The following ZCWPW2 variants were observed in gnomAD, a reference collection of about 807,000 sequenced individuals.
ZCWPW2 encodes zinc finger CW-type PWWP domain protein 2.
Under a neutral mutation model 46.6 loss-of-function variants are expected in ZCWPW2, and 45 were observed. That is an observed-to-expected ratio of 0.96 (90% CI 0.76 to 1.24). ZCWPW2 has a LOEUF of 1.24. Ranked by LOEUF, ZCWPW2 falls within the 50% of genes most tolerant of loss-of-function variation. ZCWPW2 has a pLI of 0.00. For synonymous variants in ZCWPW2, 152 were observed against 137.1 expected (o/e 1.11, Z -0.76); for missense variants, 429 against 403.9 (o/e 1.06, Z -0.53).
intron 8 of ZCWPW2, among the ~76,000 whole-genome samples, chr3:28,518,695 A>G (rs1296025259): frequency 6.6e-6 from 1 of 152,222 alleles, no homozygotes; most frequent in East Asian, 1.9e-4. Flanking sequence ...TTAGCCTGAC[A>G]TTAGAAATAT....
chr3:28,513,934 G>A (rs1268980865), intron 6 of ZCWPW2, 130 bp from the exon 7 acceptor site: 3 of 438,200 alleles, frequency 6.8e-6, no homozygotes, highest in East Asian at 1.6e-4. Context: ...TAGACGTAAA[G>A]ATGTTGTTTA....
At chr3:28,419,875 G>C (rs1324111226) in intron 3 of ZCWPW2, among the ~76,000 whole-genome samples, 1 of 114,904 alleles carries the variant, frequency 8.7e-6, no homozygotes, top group Non-Finnish European at 1.8e-5. Flanking sequence ...ATTGAACAAT[G>C]AGAACACATG....
intron 4 of ZCWPW2, among the ~76,000 whole-genome samples, chr3:28,470,216 C>T (rs903153646): frequency 6.6e-6 from 1 of 152,056 alleles, no homozygotes; most frequent in East Asian, 1.9e-4. Context: ...AAATTTAGGC[C>T]GGGTGCAGTG....
intron 1 of ZCWPW2, among the ~76,000 whole-genome samples, chr3:28,363,538 A>G (rs1328347599): frequency 6.6e-6 from 1 of 152,074 alleles, no homozygotes; most frequent in Non-Finnish European, 1.5e-5. Context: ...AGCCCCACTC[A>G]GTGTTTGCCC....
chr3:28,368,029 C>T (rs2125699231), intron 1 of ZCWPW2, among the ~76,000 whole-genome samples: 1 of 152,140 alleles, frequency 6.6e-6, no homozygotes, highest in South Asian at 2.1e-4. Flanking sequence ...TATTTTGAGC[C>T]TATATGTATC....
rs141043771 is a variant in ZCWPW2 at position 28,404,229 on chromosome 3, C to T, written c.-13-8827C>T. ...AAAAAGTGGCCTAAGGACATGAATA[C>T]ACAATTCTCAAAAGAGATATACAAA... On this transcript the variant is annotated intron_variant, in intron 2 of 9. Coordinates refer to ENST00000383768, the MANE Select transcript of ZCWPW2 (RefSeq NM_001040432.4). Among the ~76,000 whole-genome samples, 864 of 149,692 alleles carry T rather than the reference C, an allele frequency of 5.8e-3. 6 individuals are homozygous for T. The highest frequency in any genetic ancestry group is 0.018 in the African/African-American group (731 of 41,054).
rs1459508177 is a variant in ZCWPW2, at chr3:28,515,774, TG to T, written c.784+154del. On this transcript the variant is annotated intron_variant, in intron 8 of 9. Coordinates refer to ENST00000383768, the MANE Select transcript of ZCWPW2 (RefSeq NM_001040432.4). ...ACACATATATACATGTGCGTACATA[TG>T]TATACATTTTTACACATATATATGT... 7.2e-5 allele frequency among the ~76,000 whole-genome samples: 11 copies of T among 152,016 alleles called. No homozygotes were observed. In the South Asian group the frequency reaches 2.1e-3, roughly 29 times the overall value.
At chr3:28,503,285 G>A (rs1272763790) in intron 6 of ZCWPW2, among the ~76,000 whole-genome samples, 1 of 152,102 alleles carries the variant, frequency 6.6e-6, no homozygotes, top group Non-Finnish European at 1.5e-5. Flanking sequence ...GCTGCCAGAT[G>A]TTGTCCTTTG....
chr3:28,404,483 A>G (rs1696078807), intron 2 of ZCWPW2, among the ~76,000 whole-genome samples: 1 of 152,196 alleles, frequency 6.6e-6, no homozygotes, highest in East Asian at 1.9e-4. Flanking sequence ...GTAAAGAACT[A>G]GAAGTAGAAC....
intron 3 of ZCWPW2, among the ~76,000 whole-genome samples, chr3:28,432,419 G>T (rs1226589964): frequency 1.3e-5 from 2 of 152,200 alleles, no homozygotes; most frequent in South Asian, 4.1e-4. Flanking sequence ...CAGCTGTACA[G>T]ATTTTTGAAT....
chr3:28,353,373 C>T (rs1298118405), intron 1 of ZCWPW2, among the ~76,000 whole-genome samples: 2 of 151,838 alleles, frequency 1.3e-5, no homozygotes, highest in Non-Finnish European at 2.9e-5. Flanking sequence ...TTTTGAAACA[C>T]TAAAATATAT....
rs143736026 is a variant in ZCWPW2, at chr3:28,356,789, G to A, written c.-134+7586G>A. ...AAACACCGCATGTTCTCACTCATAG[G>A]TGGGAATTGAACAATGAGAACACTT... On this transcript the variant is annotated intron_variant, in intron 1 of 9. Coordinates refer to ENST00000383768, the MANE Select transcript of ZCWPW2 (RefSeq NM_001040432.4). 8.4e-3 allele frequency among the ~76,000 whole-genome samples: 1,283 copies of A among 152,222 alleles called. 48 individuals carry two copies. Among genetic ancestry groups the A allele is most frequent in the Admixed American group, 0.065 (998 of 15,290 alleles).
At chr3:28,405,346 G>A (rs1365068270) in intron 2 of ZCWPW2, among the ~76,000 whole-genome samples, 1 of 152,160 alleles carries the variant, frequency 6.6e-6, no homozygotes, top group Non-Finnish European at 1.5e-5. Flanking sequence ...CAGGAAATTG[G>A]TACTGAGAAG....
At chr3:28,390,678 C>A in intron 2 of ZCWPW2, 61 bp downstream of exon 2, 1 of 977,314 alleles carries the variant, frequency 1.0e-6, no homozygotes, top group Non-Finnish European at 1.2e-6. Flanking sequence ...TTATTCCCAT[C>A]ACTGTTCTCT....
In ZCWPW2 at chr3:28,524,864, G is replaced by A; in HGVS notation, c.*176G>A. 1 of 434,340 alleles carries A rather than the reference G, an allele frequency of 2.3e-6. No homozygotes were observed. Among genetic ancestry groups the A allele is most frequent in the Non-Finnish European group, 3.6e-6 (1 of 277,234 alleles). 26.9% of individuals were successfully genotyped at this position (434,340 alleles called of 1,614,324 possible). ...CCATGATTTTTAGAGCCAGTCAAAT[G>A]GTATTTAAGTTAGTGTTAAAAATTT... On this transcript the variant is annotated 3_prime_UTR_variant, in exon 10 of 10. Coordinates refer to ENST00000383768, the MANE Select transcript of ZCWPW2 (RefSeq NM_001040432.4).
intron 2 of ZCWPW2, among the ~76,000 whole-genome samples, chr3:28,405,852 A>C (rs1174969941): frequency 6.6e-6 from 1 of 152,190 alleles, no homozygotes; most frequent in Non-Finnish European, 1.5e-5. Flanking sequence ...AATCTTCTTA[A>C]AAAATACCTA....
chr3:28,395,896 T>A (rs6551255), intron 2 of ZCWPW2, among the ~76,000 whole-genome samples: 42,466 of 151,926 alleles, frequency 0.28, 6,140 homozygotes, highest in Middle Eastern at 0.33. Context: ...AATTTTTCTT[T>A]TCAGAAAAAA....
chr3:28,433,015 C>A (rs1697330205), intron 3 of ZCWPW2, among the ~76,000 whole-genome samples: 1 of 151,998 alleles, frequency 6.6e-6, no homozygotes, highest in Non-Finnish European at 1.5e-5. Flanking sequence ...TAATCCTCAT[C>A]AAATTGATTT....
chr3:28,378,299 T>A (rs1007831839), intron 1 of ZCWPW2, among the ~76,000 whole-genome samples: 6 of 151,954 alleles, frequency 3.9e-5, no homozygotes, highest in African/African-American at 1.2e-4. Flanking sequence ...ACTAAATAAT[T>A]ATTTGTTGAG....
Sources: gnomAD v4.1 joint callset for allele counts (sites outside exome capture counted in the v4.1 genomes callset) on GRCh38, gnomAD v4.1.1 for gene constraint, MANE v1.5 for transcripts, NCBI Gene and HGNC (gene_info 2026-07-23, HGNC 2026-07-21) for gene names.